Variants in MEF2A observed in about 807,000 individuals in gnomAD.
The protein encoded by MEF2A is myocyte enhancer factor 2A.
MEF2A carries 28 observed loss-of-function variants against 55.8 expected under a neutral mutation model. The ratio of observed to expected loss-of-function variants is 0.50; its 90% CI spans 0.37 to 0.69. The LOEUF (loss-of-function observed/expected upper bound fraction) is 0.69. Ranked by LOEUF, MEF2A falls within the 30% of genes least tolerant of loss-of-function variation. The probability of loss-of-function intolerance (pLI) is 0.00; values close to 1 mark genes in which losing one functional copy is unlikely to be tolerated. For synonymous variants in MEF2A, 239 were observed against 227.1 expected, an observed-to-expected ratio of 1.05 and a Z score of -0.47; for missense variants, 528 against 626.2, an observed-to-expected ratio of 0.84 and a Z score of 1.67.
chr15:99,565,694 A>G (rs1329692821), upstream of MEF2A: 5 of 152,230 alleles, frequency 3.3e-5, no homozygotes, highest in Admixed American at 2.6e-4. Context: ...ACCCACCCGG[A>G]AAAACATAGT....
In MEF2A at chr15:99,571,041, C is replaced by T. The variant is rs111505330; in HGVS notation, c.-225+4937C>T. Among the ~76,000 whole-genome samples, 85 of 151,950 alleles carry T rather than the reference C, an allele frequency of 5.6e-4. 1 individual carries two copies. Among genetic ancestry groups the T allele is most frequent in the African/African-American group, 2.0e-3 (82 of 41,464 alleles). ...TTCCACTAAAAATACAAAAATTAGC[C>T]GGGCATAGTGGCTCACACCTGTTAT... On this transcript the variant is annotated intron_variant, in intron 1 of 11. Transcript: ENST00000557942.
chr15:99,619,027 C>G (rs1394540220), intron 2 of MEF2A, among the ~76,000 whole-genome samples: 1 of 152,132 alleles, frequency 6.6e-6, no homozygotes, highest in Non-Finnish European at 1.5e-5. Flanking sequence ...GCACTTGAAG[C>G]TTGAAAGATT....
chr15:99,573,198 G>C (rs1309471994), intron 1 of MEF2A, among the ~76,000 whole-genome samples: 2 of 149,456 alleles, frequency 1.3e-5, no homozygotes, highest in Non-Finnish European at 3.0e-5. Context: ...TGAGGCAGGA[G>C]AATGGCGTGA....
At chr15:99,638,118 T>G (rs1343433642) in intron 3 of MEF2A, among the ~76,000 whole-genome samples, 1 of 152,232 alleles carries the variant, frequency 6.6e-6, no homozygotes, top group Non-Finnish European at 1.5e-5. Context: ...TAATTGTTTT[T>G]TAGTTGTATG....
chr15:99,649,553 TGTA>T (rs1434517766), intron 4 of MEF2A, among the ~76,000 whole-genome samples: 1 of 152,192 alleles, frequency 6.6e-6, no homozygotes, highest in African/African-American at 2.4e-5. Flanking sequence ...TCCTATAAAA[TGTA>T]GTAATTTAAT....
At position 99,691,555 on chromosome 15, in the gene MEF2A, G is replaced by A. The variant is rs146064943; in HGVS notation, c.858+1127G>A. Among the ~76,000 whole-genome samples, 337 of 152,062 alleles carry A rather than the reference G, an allele frequency of 2.2e-3. 1 individual carries two copies. The highest frequency in any genetic ancestry group is 7.5e-3 in the African/African-American group (310 of 41,478). ...TCTACTAAAAATACGAAAATTAGCC[G>A]GGCGTGGTGGCGCGTGCCTGTAATC... On this transcript the variant is annotated intron_variant, in intron 8 of 11. Coordinates refer to ENST00000557942, the MANE Select transcript of MEF2A (RefSeq NM_001319206.4).
rs530973979 is a variant in MEF2A at position 99,641,684 on chromosome 15, CT to C, written c.55-3875del. On this transcript the variant is annotated intron_variant, in intron 3 of 11. Coordinates refer to ENST00000557942, the MANE Select transcript of MEF2A (RefSeq NM_001319206.4). ...CTTGCAGTGAGTCGAGATCGTGCCA[CT>C]TGCACTCCAGCCTGGGCGACAGAGT... Among the ~76,000 whole-genome samples the C allele has an allele frequency of 6.4e-3, 978 of 152,084 alleles. 10 individuals carry two copies. The highest frequency in any genetic ancestry group is 0.023 in the African/African-American group (934 of 41,460).
chr15:99,666,653 C>T (rs553941289), intron 4 of MEF2A, among the ~76,000 whole-genome samples: 41 of 151,228 alleles, frequency 2.7e-4, no homozygotes, highest in African/African-American at 9.9e-4. Flanking sequence ...TTTAAAGTTC[C>T]TCTTCTTTTA....
chr15:99,571,239 C>A (rs1294679984), intron 1 of MEF2A, among the ~76,000 whole-genome samples: 1 of 151,646 alleles, frequency 6.6e-6, no homozygotes, highest in Non-Finnish European at 1.5e-5. Context: ...AGTTAAAATA[C>A]CCACTGTTCT....
rs549998286 is a variant in MEF2A at position 99,679,040 on chromosome 15, A to G, written c.670+3582A>G. Among the ~76,000 whole-genome samples the G allele has an allele frequency of 5.3e-5, 8 of 152,322 alleles. No individual in the cohort carries two copies. The South Asian group carries it at 1.2e-3, about 24-fold the overall frequency. ...TGCAAAATTAAACCACAAAGAGAGAACACTGCACACCCACCAGAATTGCTA... is the reference window on the plus strand; with the variant it reads ...TGCAAAATTAAACCACAAAGAGAGAGCACTGCACACCCACCAGAATTGCTA... On this transcript the variant is annotated intron_variant, in intron 7 of 11. Coordinates refer to ENST00000557942, the MANE Select transcript of MEF2A (RefSeq NM_001319206.4).
chr15:99,642,570 G>T (rs190933980), intron 3 of MEF2A, among the ~76,000 whole-genome samples: 141 of 152,000 alleles, frequency 9.3e-4, no homozygotes, highest in African/African-American at 3.3e-3. Flanking sequence ...AGCCATACCA[G>T]CTCACATTTT....
At chr15:99,663,762 A>T (rs552999896) in intron 4 of MEF2A, among the ~76,000 whole-genome samples, 3 of 152,260 alleles carry the variant, frequency 2.0e-5, no homozygotes, top group African/African-American at 7.2e-5. Context: ...AGAAAACCTC[A>T]ACATACTTAA....
intron 4 of MEF2A, among the ~76,000 whole-genome samples, chr15:99,652,850 G>T (rs1248578350): frequency 2.0e-5 from 3 of 152,192 alleles, no homozygotes; most frequent in African/African-American, 7.2e-5. Context: ...TAAATTTATT[G>T]TACTGATGTT....
intron 1 of MEF2A, chr15:99,566,724 C>T (rs1382653189): frequency 6.6e-6 from 1 of 152,358 alleles, no homozygotes; most frequent in Admixed American, 6.5e-5. Context: ...CCCACTTCTG[C>T]TTTGGGAGAA....
chr15:99,606,286 A>G (rs1330148417), intron 2 of MEF2A, among the ~76,000 whole-genome samples: 3 of 152,206 alleles, frequency 2.0e-5, no homozygotes, highest in Admixed American at 6.5e-5. Context: ...ACAAAACTGA[A>G]ACTTTTGGAA....
chr15:99,605,914 G>T (rs920177146), intron 2 of MEF2A, among the ~76,000 whole-genome samples: 1 of 152,188 alleles, frequency 6.6e-6, no homozygotes, highest in Non-Finnish European at 1.5e-5. Context: ...AGGTTGCAGT[G>T]AGCCGAGATC....
chr15:99,668,828 G>T (rs2050311429), intron 4 of MEF2A, among the ~76,000 whole-genome samples: 1 of 152,160 alleles, frequency 6.6e-6, no homozygotes, highest in South Asian at 2.1e-4. Flanking sequence ...GTGCTATTTG[G>T]TAATGTGAAG....
chr15:99,624,448 T>C (rs1009968002), intron 2 of MEF2A, among the ~76,000 whole-genome samples: 1 of 152,208 alleles, frequency 6.6e-6, no homozygotes, highest in African/African-American at 2.4e-5. Context: ...TGTCCCGCAT[T>C]GAATGGTCTT....
At chr15:99,679,071 A>G (rs1037809139) in intron 7 of MEF2A, among the ~76,000 whole-genome samples, 1 of 152,220 alleles carries the variant, frequency 6.6e-6, no homozygotes, top group Admixed American at 6.5e-5. Flanking sequence ...TGCTAAGATG[A>G]AATAGATGGT....
Sources: gnomAD v4.1 joint callset for allele counts (sites outside exome capture counted in the v4.1 genomes callset) on GRCh38, gnomAD v4.1.1 for gene constraint, MANE v1.5 for transcripts, NCBI Gene and HGNC (gene_info 2026-07-23, HGNC 2026-07-21) for gene names.